PDZD2: variants seen among roughly 807,000 people sequenced by gnomAD.
PDZD2 encodes PDZ domain-containing protein 2.
A neutral mutation model predicts 220.7 loss-of-function variants in PDZD2; 90 were observed. That is an observed-to-expected ratio of 0.41 (90% CI 0.34 to 0.49). The LOEUF (loss-of-function observed/expected upper bound fraction) is 0.49. Among genes scored for constraint, PDZD2 ranks in the 20% least tolerant of loss-of-function variants. PDZD2 has a pLI of 0.28. For missense variants in PDZD2, 3,174 were observed against 3,608.5 expected (o/e 0.88, Z 3.08); for synonymous variants, 1,375 against 1,450.5 (o/e 0.95, Z 1.18).
chr5:31,868,094 A>T (rs1225287543), intron 2 of PDZD2, among the ~76,000 whole-genome samples: 1 of 152,166 alleles, frequency 6.6e-6, no homozygotes, highest in Non-Finnish European at 1.5e-5. Context: ...GGTATGTCAC[A>T]TGGTCACCTC....
At chr5:31,812,355 G>T (rs1466653974) in intron 2 of PDZD2, among the ~76,000 whole-genome samples, 1 of 152,132 alleles carries the variant, frequency 6.6e-6, no homozygotes, top group Non-Finnish European at 1.5e-5. Context: ...TGGCTTCCTT[G>T]TTCAATCGAA....
At chr5:32,075,563 T>C (rs987428448) in intron 18 of PDZD2, among the ~76,000 whole-genome samples, 1 of 152,260 alleles carries the variant, frequency 6.6e-6, no homozygotes, top group African/African-American at 2.4e-5. Context: ...CCACATTAAA[T>C]GCAAGTTAAT....
intron 2 of PDZD2, chr5:31,908,583 C>A (rs1742898601): frequency 5.0e-6 from 5 of 993,346 alleles, no homozygotes; most frequent in Non-Finnish European, 6.3e-6. Context: ...TGAACCATCA[C>A]TTTCAGGAAA....
intron 1 of PDZD2, among the ~76,000 whole-genome samples, chr5:31,784,108 A>G (rs1753228089): frequency 6.6e-6 from 1 of 152,146 alleles, no homozygotes; most frequent in Non-Finnish European, 1.5e-5. Flanking sequence ...AAAAAAGAAC[A>G]TGAAATCCCG....
chr5:31,872,367 C>T (rs1196793491), intron 2 of PDZD2, among the ~76,000 whole-genome samples: 1 of 152,166 alleles, frequency 6.6e-6, no homozygotes, highest in East Asian at 1.9e-4. Flanking sequence ...AGCTCTTCTT[C>T]ATCTGCCTCC....
intron 10 of PDZD2, among the ~76,000 whole-genome samples, chr5:32,055,211 G>A (rs1248785426): frequency 2.0e-5 from 3 of 151,902 alleles, no homozygotes; most frequent in Non-Finnish European, 4.4e-5. Context: ...TTATTTTATT[G>A]TACTTTAAGA....
chr5:32,024,855 G>A (rs1014963613), intron 6 of PDZD2, among the ~76,000 whole-genome samples: 2 of 152,170 alleles, frequency 1.3e-5, no homozygotes, highest in Non-Finnish European at 2.9e-5. Flanking sequence ...GCTCACCTCT[G>A]CCTTTGTACT....
chr5:31,956,104 G>A (rs1387195897), intron 2 of PDZD2, among the ~76,000 whole-genome samples: 5 of 151,920 alleles, frequency 3.3e-5, no homozygotes, highest in African/African-American at 1.2e-4. Flanking sequence ...GCTGTTGGAT[G>A]GAATGTTCTA....
At chr5:32,105,251 G>A (rs1051856119) in intron 24 of PDZD2, among the ~76,000 whole-genome samples, 1 of 152,122 alleles carries the variant, frequency 6.6e-6, no homozygotes, top group African/African-American at 2.4e-5. Flanking sequence ...CAAATGGACA[G>A]AAGTTAAAAC....
intron 2 of PDZD2, among the ~76,000 whole-genome samples, chr5:31,933,733 G>A (rs1745495512): frequency 6.6e-6 from 1 of 152,082 alleles, no homozygotes; most frequent in South Asian, 2.1e-4. Context: ...TGTTCCTGTG[G>A]GCCTCTGTTT....
chr5:31,670,721 A>T (rs2150117809), intron 1 of PDZD2, among the ~76,000 whole-genome samples: 1 of 152,138 alleles, frequency 6.6e-6, no homozygotes, highest in East Asian at 1.9e-4. Flanking sequence ...GCGCCCGGCC[A>T]GTTTGCGTTT....
At chr5:31,756,704 GTCTGGGCGAC>G (rs902990565) in intron 1 of PDZD2, among the ~76,000 whole-genome samples, 1 of 152,216 alleles carries the variant, frequency 6.6e-6, no homozygotes, top group African/African-American at 2.4e-5. Context: ...GGCAGAGATG[GTCTGGGCGAC>G]ACTGTGCTGG....
intron 1 of PDZD2, among the ~76,000 whole-genome samples, chr5:31,783,866 G>C (rs186482673): frequency 5.9e-5 from 9 of 152,128 alleles, no homozygotes; most frequent in Non-Finnish European, 1.3e-4. Context: ...CTGGAGAAAG[G>C]CTTTGCTTAA....
intron 2 of PDZD2, among the ~76,000 whole-genome samples, chr5:31,931,844 G>T (rs1443511428): frequency 3.3e-5 from 5 of 152,068 alleles, no homozygotes; most frequent in African/African-American, 1.2e-4. Flanking sequence ...TGTGTGAGTT[G>T]AGGGTGTGTG....
chr5:31,928,281 A>G (rs1717865875), intron 2 of PDZD2, among the ~76,000 whole-genome samples: 1 of 152,144 alleles, frequency 6.6e-6, no homozygotes, highest in African/African-American at 2.4e-5. Context: ...AGGAATAGCT[A>G]GTAAACACTT....
intron 1 of PDZD2, among the ~76,000 whole-genome samples, chr5:31,667,855 C>CTTTTTTTTTTTTTTTTTTTT (rs561833214): frequency 1.3e-5 from 1 of 77,968 alleles, no homozygotes; most frequent in Non-Finnish European, 2.2e-5. Flanking sequence ...TTTTTTTTTC[C>CTTTTTTTTTTTTTTTTTTTT]TTTTTTTTTT....
chr5:31,869,644 T>C (rs13160449), intron 2 of PDZD2, among the ~76,000 whole-genome samples: 10,583 of 152,276 alleles, frequency 0.069, 407 homozygotes, highest in African/African-American at 0.092. Context: ...TTGTCCATTG[T>C]CCTTTCCACT....
chr5:32,072,393 G>C (rs925724110), intron 17 of PDZD2, 76 bp downstream of exon 17: 1 of 1,194,602 alleles, frequency 8.4e-7, no homozygotes, highest in African/African-American at 1.5e-5. Context: ...CTGTGCTGGC[G>C]GCTACAATGG....
chr5:31,987,717 T>G (rs963426205), intron 3 of PDZD2, among the ~76,000 whole-genome samples: 9 of 152,098 alleles, frequency 5.9e-5, no homozygotes, highest in South Asian at 2.1e-4. Flanking sequence ...GTGCTCCAGG[T>G]CTCCCCATCC....
Sources: gnomAD v4.1 joint callset for allele counts (sites outside exome capture counted in the v4.1 genomes callset) on GRCh38, gnomAD v4.1.1 for gene constraint, MANE v1.5 for transcripts, NCBI Gene and HGNC (gene_info 2026-07-23, HGNC 2026-07-21) for gene names.